The following MT1F variants were observed in gnomAD, a reference collection of about 807,000 sequenced individuals.
MT1F encodes metallothionein 1F.
MT1F carries 6 observed loss-of-function variants against 5.4 expected under a neutral mutation model. That is an observed-to-expected ratio of 1.11 (90% CI 0.61 to 2.19). The LOEUF (loss-of-function observed/expected upper bound fraction) is 2.19. Ranked by LOEUF, MT1F falls within the 30% of genes most tolerant of loss-of-function variation. MT1F has a pLI of 0.00. For missense variants in MT1F, 82 were observed against 77.0 expected (o/e 1.07, Z -0.24); for synonymous variants, 28 against 28.3 (o/e 0.99, Z 0.04).
In MT1F at chr16:56,658,063, A is replaced by T; in HGVS notation, c.5A>T (p.Asp2Val). 1.9e-6 allele frequency: 3 copies of T among 1,613,824 alleles called. No individual in the cohort carries two copies. Among genetic ancestry groups the T allele is most frequent in the Non-Finnish European group, 2.5e-6 (3 of 1,179,918 alleles). MDPNCSCAAGVS... is the reference protein window; with the variant it reads MVPNCSCAAGVS... ...CCAGTCTCTCCTCGGCTTGCAATGG[A>T]CCCCAACTGCTCCTGCGCCGCTGGT... The change falls in exon 1 of 3, where the codon GAC becomes GTC. Residue 2 changes from aspartate (D) to valine (V), a missense_variant. By Grantham distance (152) the Asp-to-Val change is radical (BLOSUM62 -3). Coordinates refer to ENST00000334350, the MANE Select transcript of MT1F (RefSeq NM_005949.4).
chr16:56,659,165 T>C lies in MT1F; in HGVS notation c.*1T>C. 6.2e-7 allele frequency: 1 copy of C among 1,614,022 alleles called. No homozygotes were observed. The highest frequency in any genetic ancestry group is 8.5e-7 in the Non-Finnish European group (1 of 1,179,928). ...AGAGAAGTGCAGCTGCTGCGACTGA[T>C]GCCAGGACAACCTTTCTCCCAGATG... On this transcript the variant is annotated 3_prime_UTR_variant, in exon 3 of 3. Coordinates refer to ENST00000334350, the MANE Select transcript of MT1F (RefSeq NM_005949.4).
chr16:56,658,294 G>T, intron 1 of MT1F: 1 of 627,554 alleles, frequency 1.6e-6, no homozygotes, highest in Non-Finnish European at 2.8e-6. Context: ...GAGGCTCAAG[G>T]CTGTCCTGCT....
Position 56,659,101 on chromosome 16 carries a change from T to C in MT1F, c.123T>C (p.Cys41=). The change falls in exon 3 of 3, where the codon TGT becomes TGC. Residue 41 remains cysteine, a synonymous_variant. Transcript: ENST00000334350. Reference sequence around the variant, plus strand: ...GCTGCTCCTGCTGCCCCGTGGGCTGTAGCAAGTGTGCCCAGGGCTGTGTTT... The same window carrying C: ...GCTGCTCCTGCTGCCCCGTGGGCTGCAGCAAGTGTGCCCAGGGCTGTGTTT... ...KSCCSCCPVG[C]SKCAQGCVCK... 8 of 1,614,036 alleles carry C rather than the reference T, an allele frequency of 5.0e-6. No homozygotes were observed. Among genetic ancestry groups the C allele is most frequent in the Non-Finnish European group, 6.8e-6 (8 of 1,179,990 alleles).
In MT1F at chr16:56,658,692, G is replaced by A. The variant is rs137928358; in HGVS notation, c.46G>A (p.Ala16Thr). 3.6e-5 allele frequency: 58 copies of A among 1,614,142 alleles called. No homozygotes were observed. Among genetic ancestry groups the A allele is most frequent in the South Asian group, 2.6e-4 (24 of 91,078 alleles). ...SCAAGVSCTC[A>T]GSCKCKECKC... is the part of the protein sequence containing the mutation. ...TCTCGCAGGTGTCTCCTGCACCTGC[G>A]CTGGTTCCTGCAAGTGCAAAGAGTG... Residue 16 changes from alanine (A) to threonine (T), a missense_variant, in exon 2 of 3, where the codon GCT (alanine) becomes ACT (threonine). Ala to Thr is a moderately conservative substitution (Grantham distance 58, BLOSUM62 0). Transcript: ENST00000334350.
chr16:56,658,182 A>T (rs1256311379), intron 1 of MT1F, 96 bp downstream of exon 1: 1 of 1,363,762 alleles, frequency 7.3e-7, no homozygotes, highest in African/African-American at 1.4e-5. Flanking sequence ...TGAGATCTCA[A>T]CTGTAGGGGA....
chr16:56,658,105 C>T lies in MT1F; in HGVS notation c.28+19C>T. ...GCCGCTGGTAAGGAACGCCGGGTTC[C>T]GTGCCTGGGGATGCTCGATTCCCAG... On this transcript the variant is annotated intron_variant, in intron 1 of 2. Transcript: ENST00000334350. 2 of 1,613,994 alleles carry T rather than the reference C, an allele frequency of 1.2e-6. No individual in the cohort carries two copies. Among genetic ancestry groups the T allele is most frequent in the Non-Finnish European group, 1.7e-6 (2 of 1,179,886 alleles).
At position 56,659,232 on chromosome 16, in the gene MT1F, C is replaced by G; in HGVS notation, c.*68C>G. On this transcript the variant is annotated 3_prime_UTR_variant, in exon 3 of 3. Coordinates refer to ENST00000334350, the MANE Select transcript of MT1F (RefSeq NM_005949.4). Reference sequence around the variant, plus strand: ...TACAAACCTGGATTTTTTTTTTATACCACCTTGACCCATTTGCTACATTCC... The same window carrying G: ...TACAAACCTGGATTTTTTTTTTATAGCACCTTGACCCATTTGCTACATTCC... 1 of 1,427,900 alleles carries G rather than the reference C, an allele frequency of 7.0e-7. No homozygotes were observed. Among genetic ancestry groups the G allele is most frequent in the Non-Finnish European group, 9.8e-7 (1 of 1,018,900 alleles). 88.5% of individuals were successfully genotyped at this position (1,427,900 alleles called of 1,614,324 possible).
At position 56,657,970 on chromosome 16, in the gene MT1F, G is replaced by A; in HGVS notation, c.-89G>A. On this transcript the variant is annotated 5_prime_UTR_variant, in exon 1 of 3. Coordinates refer to ENST00000334350, the MANE Select transcript of MT1F (RefSeq NM_005949.4). ...CCCCTCCCCTGACTATCAAAGCAGCGGCCGGCTGTTGGGGTCCACCACGCC... is the reference window on the plus strand; with the variant it reads ...CCCCTCCCCTGACTATCAAAGCAGCAGCCGGCTGTTGGGGTCCACCACGCC... The A allele has an allele frequency of 7.2e-7, 1 of 1,390,212 alleles. No homozygotes were observed. The highest frequency in any genetic ancestry group is 1.0e-6 in the Non-Finnish European group (1 of 990,916). 86.1% of individuals were successfully genotyped at this position (1,390,212 alleles called of 1,614,324 possible).
rs376696318 is a variant in MT1F at position 56,659,214 on chromosome 16, C to G, written c.*50C>G. The G allele has an allele frequency of 1.1e-5, 18 of 1,590,930 alleles. No individual in the cohort carries two copies. The highest frequency in any genetic ancestry group is 1.7e-5 in the Admixed American group (1 of 57,196). ...TGTAAACAGAGAGACATGTACAAACCTGGATTTTTTTTTTATACCACCTTG... is the reference window on the plus strand; with the variant it reads ...TGTAAACAGAGAGACATGTACAAACGTGGATTTTTTTTTTATACCACCTTG... On this transcript the variant is annotated 3_prime_UTR_variant, in exon 3 of 3. Transcript: ENST00000334350.
chr16:56,658,475 G>A, intron 1 of MT1F, 200 bp from the exon 2 acceptor site: 1 of 625,566 alleles, frequency 1.6e-6, no homozygotes, highest in Non-Finnish European at 2.8e-6. Flanking sequence ...ACTTTCCTTT[G>A]GAGTGCAAAC....
In MT1F at chr16:56,658,754, C is replaced by T. The variant is rs867405725; in HGVS notation, c.94+14C>T. 8 of 1,614,064 alleles carry T rather than the reference C, an allele frequency of 5.0e-6. No homozygotes were observed. The Admixed American group carries it at 5.0e-5, about 10-fold the overall frequency. On this transcript the variant is annotated intron_variant, in intron 2 of 2. Coordinates refer to ENST00000334350, the MANE Select transcript of MT1F (RefSeq NM_005949.4). ...CCTGCAAGAAGAGTGAGTGTGAGGC[C>T]ATCTCCATGGTCTGGGGCTGTGGCT...
At chr16:56,658,965 C>T in intron 2 of MT1F, 108 bp from the exon 3 acceptor site, 1 of 1,129,216 alleles carries the variant, frequency 8.9e-7, no homozygotes, top group African/African-American at 1.5e-5. Flanking sequence ...CCATACCCTC[C>T]TGAACTGAGG....
chr16:56,658,033 A>G lies in MT1F; in HGVS notation c.-26A>G. 3.7e-6 allele frequency: 6 copies of G among 1,613,438 alleles called. No homozygotes were observed. The highest frequency in any genetic ancestry group is 5.1e-6 in the Non-Finnish European group (6 of 1,179,612). On this transcript the variant is annotated 5_prime_UTR_variant, in exon 1 of 3. Transcript: ENST00000334350. ...CACTGCTTCTTCGCTTCTCTCTTGG[A>G]AAGTCCAGTCTCTCCTCGGCTTGCA...
chr16:56,658,510 A>G (rs935188070), intron 1 of MT1F, 165 bp from the exon 2 acceptor site: 3 of 701,604 alleles, frequency 4.3e-6, no homozygotes, highest in South Asian at 3.8e-5. Context: ...CCTTCCCAGC[A>G]TGAAGGGAGA....
rs1268802101 is a variant in MT1F, at chr16:56,657,980, TG to T, written c.-75del. The T allele has an allele frequency of 6.1e-6, 9 of 1,480,188 alleles. No individual in the cohort carries two copies. The highest frequency in any genetic ancestry group is 7.5e-6 in the Non-Finnish European group (8 of 1,066,170). The allele number at this position is 1,480,188 out of a possible 1,614,324, so 91.7% of individuals were successfully genotyped here. A position where few individuals can be genotyped will look rare whatever the true frequency, so the allele number is the denominator to read the frequency against. ...GACTATCAAAGCAGCGGCCGGCTGT[TG>T]GGGTCCACCACGCCTTCCACCTGCC... is the stretch of plus-strand genomic sequence containing the variant. On this transcript the variant is annotated 5_prime_UTR_variant, in exon 1 of 3. Transcript: ENST00000334350.
Position 56,657,965 on chromosome 16 carries a change from G to C in MT1F, c.-94G>C. 2 of 1,350,962 alleles carry C rather than the reference G, an allele frequency of 1.5e-6. No individual in the cohort carries two copies. Among genetic ancestry groups the C allele is most frequent in the African/African-American group, 1.4e-5 (1 of 68,982 alleles). 83.7% of individuals were successfully genotyped at this position (1,350,962 alleles called of 1,614,324 possible). A position where few individuals can be genotyped will look rare whatever the true frequency, so the allele number is the denominator to read the frequency against. ...CCGGCCCCCTCCCCTGACTATCAAA[G>C]CAGCGGCCGGCTGTTGGGGTCCACC... On this transcript the variant is annotated 5_prime_UTR_variant, in exon 1 of 3. Coordinates refer to ENST00000334350, the MANE Select transcript of MT1F (RefSeq NM_005949.4).
chr16:56,657,993 G>A lies in MT1F; in HGVS notation c.-66G>A, dbSNP rs890490053. On this transcript the variant is annotated 5_prime_UTR_variant, in exon 1 of 3. Coordinates refer to ENST00000334350, the MANE Select transcript of MT1F (RefSeq NM_005949.4). Reference sequence around the variant, plus strand: ...GCGGCCGGCTGTTGGGGTCCACCACGCCTTCCACCTGCCCCACTGCTTCTT... The same window carrying A: ...GCGGCCGGCTGTTGGGGTCCACCACACCTTCCACCTGCCCCACTGCTTCTT... 8 of 1,556,334 alleles carry A rather than the reference G, an allele frequency of 5.1e-6. No individual in the cohort carries two copies. Among genetic ancestry groups the A allele is most frequent in the Non-Finnish European group, 7.1e-6 (8 of 1,130,704 alleles).
Position 56,657,984 on chromosome 16 carries a change from G to A in MT1F, c.-75G>A. 2.0e-6 allele frequency: 3 copies of A among 1,511,978 alleles called. No homozygotes were observed. The highest frequency in any genetic ancestry group is 1.8e-6 in the Non-Finnish European group (2 of 1,093,412). 93.7% of individuals were successfully genotyped at this position (1,511,978 alleles called of 1,614,324 possible). A position where few individuals can be genotyped will look rare whatever the true frequency, so the allele number is the denominator to read the frequency against. ...ATCAAAGCAGCGGCCGGCTGTTGGG[G>A]TCCACCACGCCTTCCACCTGCCCCA... On this transcript the variant is annotated 5_prime_UTR_variant, in exon 1 of 3. Transcript: ENST00000334350.
intron 2 of MT1F, 22 bp from the exon 3 acceptor site, chr16:56,659,051 T>C: frequency 6.2e-7 from 1 of 1,609,988 alleles, no homozygotes; most frequent in Non-Finnish European, 8.5e-7. Flanking sequence ...CTGTGACCTC[T>C]CATGCTCCTC....
Sources: allele counts gnomAD v4.1 joint callset, GRCh38; gene constraint gnomAD v4.1.1; transcripts MANE v1.5; gene names NCBI Gene and HGNC (gene_info 2026-07-23, HGNC 2026-07-21).